The following ZNF236 variants were observed in gnomAD, a reference collection of about 807,000 sequenced individuals.
ZNF236 encodes zinc finger protein 236.
ZNF236 carries 50 observed loss-of-function variants against 191.2 expected under a neutral mutation model. That is an observed-to-expected ratio of 0.26 (90% confidence interval 0.21 to 0.33). ZNF236 has a LOEUF of 0.33. Ranked by LOEUF, ZNF236 falls within the 10% of genes least tolerant of loss-of-function variation. The pLI, the probability that ZNF236 is intolerant of heterozygous loss-of-function variation, is 1.00. For missense variants in ZNF236, 1,754 were observed against 2,374.5 expected, an observed-to-expected ratio of 0.74 and a Z score of 5.43; for synonymous variants, 907 against 928.8, an observed-to-expected ratio of 0.98 and a Z score of 0.43.
chr18:76,859,866 G>A (rs1976163156), intron 3 of ZNF236, among the ~76,000 whole-genome samples: 1 of 152,150 alleles, frequency 6.6e-6, no homozygotes, highest in African/African-American at 2.4e-5. Context: ...CAAAAACATG[G>A]GGTGGCCTGA....
chr18:76,880,962 A>G lies in ZNF236; in HGVS notation c.1189-322A>G, dbSNP rs1976876142. Among the ~76,000 whole-genome samples the G allele has an allele frequency of 6.6e-6, 1 of 152,198 alleles. No individual in the cohort carries two copies. The highest frequency in any genetic ancestry group is 6.5e-5 in the Admixed American group (1 of 15,288). On this transcript the variant is annotated intron_variant, in intron 8 of 30. Transcript: ENST00000320610. This position sits in a 1 kb window ranked among gnomAD's most constrained non-coding sequence, Gnocchi z 5.0. ...AACCCAGTGTAACTCAAAAGCCTTA[A>G]AATAGGGATTCCCAAGACTATTTAG... is the stretch of plus-strand genomic sequence containing the variant.
At chr18:76,964,558 G>T (rs542755479) in intron 30 of ZNF236, among the ~76,000 whole-genome samples, 71 of 152,216 alleles carry the variant, frequency 4.7e-4, no homozygotes, top group Non-Finnish European at 9.6e-4. Flanking sequence ...GGAATGTTAG[G>T]TATATATCTA....
At chr18:76,864,026 TGA>T (rs1412077084) in intron 3 of ZNF236, among the ~76,000 whole-genome samples, 2 of 152,108 alleles carry the variant, frequency 1.3e-5, no homozygotes, top group Admixed American at 6.5e-5. Flanking sequence ...GTCAAAGACC[TGA>T]ATAGAATGAA....
chr18:76,960,301 C>A lies in ZNF236; in HGVS notation c.5243-378C>A, dbSNP rs1968632780. On this transcript the variant is annotated intron_variant, in intron 29 of 30. Coordinates refer to ENST00000320610, the MANE Select transcript of ZNF236 (RefSeq NM_001306089.2). The surrounding 1 kb of genome is among the most constrained non-coding windows in gnomAD (Gnocchi z 4.4). ...ACAAAGAAACAAGCTCTTCCATCTT[C>A]TGCCTCTTGACTGTACATGATAGCT... 6.6e-6 allele frequency among the ~76,000 whole-genome samples: 1 copy of A among 152,260 alleles called. No individual in the cohort carries two copies. The highest frequency in any genetic ancestry group is 2.4e-5 in the African/African-American group (1 of 41,472).
chr18:76,825,707 A>C (rs1369882118), intron 1 of ZNF236, among the ~76,000 whole-genome samples: 3 of 152,242 alleles, frequency 2.0e-5, no homozygotes, highest in Non-Finnish European at 4.4e-5. Flanking sequence ...GCTTAGTTTT[A>C]ATTTCTAATA....
rs1278297024 is a variant in ZNF236, at chr18:76,868,763, G to A, written c.442G>A (p.Glu148Lys). The A allele has an allele frequency of 6.2e-7, 1 of 1,613,912 alleles. No individual in the cohort carries two copies. Among genetic ancestry groups the A allele is most frequent in the Admixed American group, 1.7e-5 (1 of 60,022 alleles). ...CGTGCACATGGAGGAGCACCGCCAG[G>A]AGCTGGCTGGAACCCGGCAGCATGC... ...LAVHMEEHRQ[E>K]LAGTRQHACK... Residue 148 changes from glutamate (E) to lysine (K), a missense_variant, in exon 4 of 31, where the codon GAG (glutamate) becomes AAG (lysine). Transcript: ENST00000320610.
chr18:76,888,642 G>C (rs1328408102), intron 9 of ZNF236: 1 of 152,570 alleles, frequency 6.6e-6, no homozygotes, highest in African/African-American at 2.4e-5. Flanking sequence ...GGCGTCTGGG[G>C]GAATCTTTTG....
Position 76,880,264 on chromosome 18 carries a change from A to G in ZNF236, c.1136A>G (p.Gln379Arg), listed in dbSNP as rs569574180. The change falls in exon 8 of 31, where the codon CAG becomes CGG. Residue 379 changes from glutamine (Q) to arginine (R), a missense_variant. By Grantham distance (43) the Gln-to-Arg change is conservative. Around this residue, in one of 5 missense-constraint regions of ZNF236, gnomAD observed 336 missense variants for 495.1 expected, o/e 0.68. Coordinates refer to ENST00000320610, the MANE Select transcript of ZNF236 (RefSeq NM_001306089.2). This position sits in a 1 kb window ranked among gnomAD's most constrained non-coding sequence, Gnocchi z 5.0. ...PAPVESGQSP[Q>R]PGQQLSITVG... The stretch of plus-strand genomic sequence containing the variant: ...CCGGTGGAGTCGGGGCAGTCCCCGC[A>G]GCCTGGGCAGCAGCTGAGCATCACA... 8.1e-6 allele frequency: 13 copies of G among 1,614,036 alleles called. No homozygotes were observed. In the South Asian group the frequency reaches 1.4e-4, roughly 18 times the overall value.
chr18:76,877,965 CAATT>C (rs1465976699), intron 6 of ZNF236, 40 bp from the exon 7 acceptor site: 2 of 1,431,194 alleles, frequency 1.4e-6, no homozygotes, highest in Admixed American at 2.1e-5. Context: ...TTAAATTTAA[CAATT>C]AATTGTAAAA....
intron 25 of ZNF236, among the ~76,000 whole-genome samples, chr18:76,933,770 T>C (rs1415193821): frequency 1.3e-5 from 2 of 152,214 alleles, no homozygotes; most frequent in African/African-American, 2.4e-5. Flanking sequence ...TGTTCATATA[T>C]TGACCCACTC....
chr18:76,958,276 G>A (rs1031907365), intron 28 of ZNF236, among the ~76,000 whole-genome samples: 3 of 152,306 alleles, frequency 2.0e-5, no homozygotes, highest in African/African-American at 7.2e-5. Context: ...GCACTTTCTA[G>A]GGAGAACTAG....
intron 1 of ZNF236, among the ~76,000 whole-genome samples, chr18:76,846,633 G>A (rs1324189423): frequency 1.3e-5 from 2 of 152,128 alleles, no homozygotes; most frequent in African/African-American, 4.8e-5. Flanking sequence ...ACTGTTTTAA[G>A]TTTGTGTCTG....
chr18:76,827,321 G>A (rs1975046623), intron 1 of ZNF236, among the ~76,000 whole-genome samples: 1 of 151,974 alleles, frequency 6.6e-6, no homozygotes, highest in Non-Finnish European at 1.5e-5. Flanking sequence ...GAGTAGATGG[G>A]ACTACAGGTG....
intron 1 of ZNF236, among the ~76,000 whole-genome samples, chr18:76,832,245 A>G (rs898977809): frequency 2.0e-5 from 3 of 151,952 alleles, no homozygotes; most frequent in Non-Finnish European, 4.4e-5. Flanking sequence ...GCACTTGGCT[A>G]ATTTTTTGTA....
rs2122757002 is a variant in ZNF236 at position 76,908,513 on chromosome 18, G to A, written c.2491G>A (p.Gly831Ser). 3 of 1,613,816 alleles carry A rather than the reference G, an allele frequency of 1.9e-6. No homozygotes were observed. The highest frequency in any genetic ancestry group is 1.7e-6 in the Non-Finnish European group (2 of 1,179,976). Residue 831 changes from glycine to serine, a missense_variant, in exon 14 of 31, where the codon GGC becomes AGC. This residue lies in a region of ZNF236 where 641 missense variants were observed against 869.6 expected (regional missense o/e 0.74). Coordinates refer to ENST00000320610, the MANE Select transcript of ZNF236 (RefSeq NM_001306089.2). ...GGACCTGGAGCCTCAGCATGTGGTGGGCACGGAGGAAGCAGGGCTGGGCCA... is the reference window on the plus strand; with the variant it reads ...GGACCTGGAGCCTCAGCATGTGGTGAGCACGGAGGAAGCAGGGCTGGGCCA... ...MLDLEPQHVV[G>S]TEEAGLGQQL...
intron 1 of ZNF236, among the ~76,000 whole-genome samples, chr18:76,846,431 C>T (rs771467933): frequency 6.6e-6 from 1 of 152,188 alleles, no homozygotes. Flanking sequence ...GAGGCCACCA[C>T]GTCCTGGCAG....
intron 3 of ZNF236, 22 bp downstream of exon 3, chr18:76,851,961 A>C: frequency 1.3e-6 from 2 of 1,592,164 alleles, no homozygotes; most frequent in Non-Finnish European, 1.7e-6. Context: ...CATTTTGCAT[A>C]TACTTTGTTA....
intron 1 of ZNF236, among the ~76,000 whole-genome samples, chr18:76,830,495 G>A (rs1313937653): frequency 1.3e-5 from 2 of 152,142 alleles, no homozygotes; most frequent in Non-Finnish European, 2.9e-5. Context: ...GGGGATGAGC[G>A]TGCATTTGTT....
chr18:76,910,763 C>T lies in ZNF236; in HGVS notation c.2757C>T (p.Phe919=), dbSNP rs1354000745. 2.2e-5 allele frequency: 35 copies of T among 1,614,202 alleles called. No homozygotes were observed. The highest frequency in any genetic ancestry group is 3.0e-5 in the Non-Finnish European group (35 of 1,180,036). ...AGTCTCAGGCCCTCTCCACAAGCTT[C>T]CACCAGCAGAGCTTGCTGCAGGCTC... ...TLESQALSTS[F]HQQSLLQAPS... The change falls in exon 16 of 31, where the codon TTC becomes TTT. Residue 919 remains phenylalanine (F), a synonymous_variant. Transcript: ENST00000320610.
Sources: allele counts gnomAD v4.1 joint callset (sites outside exome capture counted in the v4.1 genomes callset), GRCh38; gene constraint gnomAD v4.1.1; regional missense constraint gnomAD v4.1.1; non-coding constraint Gnocchi (gnomAD v3.1); transcripts MANE v1.5; gene names NCBI Gene and HGNC (gene_info 2026-07-23, HGNC 2026-07-21).